Variants in PPCDC observed in about 807,000 individuals in gnomAD.
The protein encoded by PPCDC is phosphopantothenoylcysteine decarboxylase.
Under a neutral mutation model 20.7 loss-of-function variants are expected in PPCDC, and 20 were observed. The observed-to-expected ratio is 0.97, with a 90% CI of 0.68 to 1.41. The LOEUF (loss-of-function observed/expected upper bound fraction) is 1.41. PPCDC is among the 40% of genes most tolerant of loss of function. PPCDC has a pLI of 0.00. For synonymous variants in PPCDC, 88 were observed against 100.3 expected (o/e 0.88, Z 0.73); for missense variants, 246 against 263.8 (o/e 0.93, Z 0.47).
At chr15:75,044,687 A>T in intron 4 of PPCDC, 173 bp downstream of exon 4, 2 of 861,676 alleles carry the variant, frequency 2.3e-6, no homozygotes, top group Admixed American at 2.9e-5. Flanking sequence ...TCTGTAGCAC[A>T]TGGGCACAGC....
In PPCDC at chr15:75,031,449, G is replaced by A. The variant is rs185151328; in HGVS notation, c.135+2996G>A. 5.1e-3 allele frequency among the ~76,000 whole-genome samples: 780 copies of A among 152,176 alleles called. 4 individuals carry two copies. The highest frequency in any genetic ancestry group is 0.018 in the African/African-American group (747 of 41,506). On this transcript the variant is annotated intron_variant, in intron 2 of 5. Transcript: ENST00000342932. ...ACTTATAAACAAAATTAACAGGGCC[G>A]GGCGCGGTGGCTCACTTTGGGAGGC...
chr15:75,033,385 A>C (rs1014581911), intron 2 of PPCDC, among the ~76,000 whole-genome samples: 1 of 152,226 alleles, frequency 6.6e-6, no homozygotes, highest in Admixed American at 6.5e-5. Flanking sequence ...TACTGCACAC[A>C]GTTTTTTCCT....
chr15:75,043,223 G>A (rs1194635346), intron 2 of PPCDC: 1 of 491,274 alleles, frequency 2.0e-6, no homozygotes, highest in East Asian at 3.6e-5. Flanking sequence ...CCCTCAGATA[G>A]GGAAGTGAAA....
At chr15:75,026,016 T>C (rs2065955043) in intron 1 of PPCDC, among the ~76,000 whole-genome samples, 1 of 152,196 alleles carries the variant, frequency 6.6e-6, no homozygotes, top group Non-Finnish European at 1.5e-5. Context: ...CTAAGTACTG[T>C]ATTTCGGACT....
At position 75,041,672 on chromosome 15, in the gene PPCDC, T is replaced by A. The variant is rs185429964; in HGVS notation, c.136-1769T>A. 2.6e-5 allele frequency among the ~76,000 whole-genome samples: 4 copies of A among 152,162 alleles called. No homozygotes were observed. The East Asian group carries it at 7.7e-4, about 29-fold the overall frequency. On this transcript the variant is annotated intron_variant, in intron 2 of 5. Transcript: ENST00000342932. Reference sequence around the variant, plus strand: ...TGGACCTCTGAAAAGGTCCTTGAGGTTTTTTTGCAGGTTCTGGGCATGGTA... The same window carrying A: ...TGGACCTCTGAAAAGGTCCTTGAGGATTTTTTGCAGGTTCTGGGCATGGTA...
chr15:75,025,701 G>T (rs1760098009), intron 1 of PPCDC, among the ~76,000 whole-genome samples: 1 of 152,170 alleles, frequency 6.6e-6, no homozygotes, highest in Admixed American at 6.6e-5. Context: ...TGTGAATTCA[G>T]CAGAGCCCGG....
chr15:75,047,577 A>AG (rs1198543471), intron 4 of PPCDC, among the ~76,000 whole-genome samples: 3 of 152,146 alleles, frequency 2.0e-5, no homozygotes, highest in African/African-American at 7.2e-5. Flanking sequence ...TCTCTCCCCC[A>AG]GGCGGCCCCC....
At position 75,027,758 on chromosome 15, in the gene PPCDC, C is replaced by T. The variant is rs559972847; in HGVS notation, c.-72-489C>T. 1.8e-3 allele frequency among the ~76,000 whole-genome samples: 268 copies of T among 152,308 alleles called. 2 individuals carry two copies. The highest frequency in any genetic ancestry group is 3.0e-3 in the Non-Finnish European group (201 of 68,022). On this transcript the variant is annotated intron_variant, in intron 1 of 5. Transcript: ENST00000342932. The stretch of plus-strand genomic sequence containing the variant: ...TCCTCACCCTGGCCCTCGCTGCCCA[C>T]GGCATTCTGGCCTCACCCTGACTTT...
chr15:75,028,196 C>A, intron 1 of PPCDC, 51 bp from the exon 2 acceptor site: 2 of 1,335,070 alleles, frequency 1.5e-6, no homozygotes, highest in Non-Finnish European at 2.0e-6. Flanking sequence ...GTGCTCCATA[C>A]ATTCTGGTCG....
intron 1 of PPCDC, 120 bp from the exon 2 acceptor site, chr15:75,028,127 A>G: frequency 1.5e-6 from 1 of 669,876 alleles, no homozygotes; most frequent in South Asian, 2.2e-5. Flanking sequence ...GTGCTCCCTG[A>G]AGCCAGGACT....
chr15:75,046,045 T>C (rs559628983), intron 4 of PPCDC, among the ~76,000 whole-genome samples: 19 of 151,138 alleles, frequency 1.3e-4, no homozygotes, highest in Non-Finnish European at 2.5e-4. Flanking sequence ...ACTCCATCTC[T>C]ACAAAACATA....
rs755656716 is a variant in PPCDC, at chr15:75,044,504, A to G, written c.350A>G (p.Asp117Gly). ...GGGAAGGTGGCCAGTGGCATCTGTG[A>G]CAACTTGCTTGTGAGTGATGTCCTG... ...TLGKVASGIC[D>G]NLLTCVMRAW... Residue 117 changes from aspartate to glycine, a missense_variant, in exon 4 of 6, where the codon GAC becomes GGC. Coordinates refer to ENST00000342932, the MANE Select transcript of PPCDC (RefSeq NM_021823.5). The G allele has an allele frequency of 1.2e-6, 2 of 1,613,978 alleles. No individual in the cohort carries two copies. The highest frequency in any genetic ancestry group is 1.1e-5 in the South Asian group (1 of 91,066).
intron 2 of PPCDC, among the ~76,000 whole-genome samples, chr15:75,042,079 A>G (rs1699948402): frequency 6.6e-6 from 1 of 152,236 alleles, no homozygotes; most frequent in African/African-American, 2.4e-5. Context: ...TCCAACTTGG[A>G]CATGTTGGCT....
At chr15:75,027,867 C>G (rs914888171) in intron 1 of PPCDC, among the ~76,000 whole-genome samples, 9 of 152,236 alleles carry the variant, frequency 5.9e-5, no homozygotes, top group African/African-American at 2.2e-4. Context: ...AACCTGCCAC[C>G]CTCCTCAGGA....
chr15:75,047,471 G>T (rs1832254593), intron 4 of PPCDC, among the ~76,000 whole-genome samples: 3 of 152,186 alleles, frequency 2.0e-5, no homozygotes, highest in Non-Finnish European at 4.4e-5. Context: ...TTTCCCAGAT[G>T]AGCTTCCCTT....
chr15:75,048,435 AG>A (rs1310345365), intron 4 of PPCDC, 117 bp from the exon 5 acceptor site: 6 of 1,366,512 alleles, frequency 4.4e-6, no homozygotes, highest in Non-Finnish European at 5.9e-6. Context: ...CCCTGCAGGC[AG>A]GCTGTGCCCA....
At chr15:75,031,604 G>A (rs374160338) in intron 2 of PPCDC, among the ~76,000 whole-genome samples, 2 of 152,138 alleles carry the variant, frequency 1.3e-5, no homozygotes, top group East Asian at 3.9e-4. Flanking sequence ...CTCAGGAGGC[G>A]GAGGCAGGAG....
At chr15:75,037,018 G>A (rs1034042078) in intron 2 of PPCDC, among the ~76,000 whole-genome samples, 34 of 152,134 alleles carry the variant, frequency 2.2e-4, no homozygotes, top group Admixed American at 1.6e-3. Flanking sequence ...AAGGTTCTCC[G>A]CTTTGCAAAC....
intron 2 of PPCDC, among the ~76,000 whole-genome samples, chr15:75,042,613 A>G (rs1307029303): frequency 1.4e-5 from 2 of 146,316 alleles, no homozygotes; most frequent in Admixed American, 7.2e-5. Flanking sequence ...AGATCATACC[A>G]CTGCACTCCA....
Sources: gnomAD v4.1 joint callset for allele counts (sites outside exome capture counted in the v4.1 genomes callset) on GRCh38, gnomAD v4.1.1 for gene constraint, MANE v1.5 for transcripts, NCBI Gene and HGNC (gene_info 2026-07-23, HGNC 2026-07-21) for gene names.